The following SHTN1 variants were observed in gnomAD, a reference collection of about 807,000 sequenced individuals.
SHTN1 encodes shootin-1.
A neutral mutation model predicts 83.1 loss-of-function variants in SHTN1; 42 were observed. The observed-to-expected ratio is 0.51, with a 90% CI of 0.39 to 0.65. The LOEUF (loss-of-function observed/expected upper bound fraction) is 0.65, where lower values mean the gene tolerates loss of function less well. Among genes scored for constraint, SHTN1 ranks in the 30% least tolerant of loss-of-function variants. The pLI is 0.00. For missense variants in SHTN1, 622 were observed against 737.8 expected (o/e 0.84, Z 1.82); for synonymous variants, 224 against 247.7 (o/e 0.90, Z 0.90).
At position 116,960,231 on chromosome 10, in the gene SHTN1, C is replaced by G; in HGVS notation, c.173-1G>C. ...ACTTCCTCTATGACCATGTGAGAAACTAGGAATGAGGGGGAAAAAAAATCT... is the reference window on the plus strand; with the variant it reads ...ACTTCCTCTATGACCATGTGAGAAAGTAGGAATGAGGGGGAAAAAAAATCT... On this transcript the variant is annotated splice_acceptor_variant, in intron 3 of 16. Transcript: ENST00000355371. LOFTEE classifies it high-confidence loss of function. 1 of 1,562,144 alleles carries G rather than the reference C, an allele frequency of 6.4e-7. No homozygotes were observed. Among genetic ancestry groups the G allele is most frequent in the Non-Finnish European group, 8.8e-7 (1 of 1,134,378 alleles).
rs1168261828 is a variant in SHTN1 at position 116,954,107 on chromosome 10, G to A, written c.371C>T (p.Ser124Leu). Residue 124 changes from serine (S) to leucine (L), a missense_variant, in exon 5 of 17, where the codon TCG (serine) becomes TTG (leucine). Around this residue, in one of 3 missense-constraint regions of SHTN1, gnomAD observed 383 missense variants for 455.8 expected, o/e 0.84. Coordinates refer to ENST00000355371, the MANE Select transcript of SHTN1 (RefSeq NM_001127211.3). ...TEEINIDDED[S>L]TTDTDGAAET... ...GGCGGCACCGTCTGTGTCTGTAGTCGAATCTTCATCATCAATGTTTATCTC... is the reference window on the plus strand; with the variant it reads ...GGCGGCACCGTCTGTGTCTGTAGTCAAATCTTCATCATCAATGTTTATCTC... 6.2e-6 allele frequency: 10 copies of A among 1,613,718 alleles called. No homozygotes were observed. Among genetic ancestry groups the A allele is most frequent in the Middle Eastern group, 1.6e-4 (1 of 6,084 alleles).
Position 117,057,002 on chromosome 10 carries a change from T to C in SHTN1, c.-188-8492A>G, listed in dbSNP as rs1332373937. ...TCATCACTTCAATTCAGCATAGTACTGGAAGTTCTAGCTACCGCAATGAGG... is the reference window on the plus strand; with the variant it reads ...TCATCACTTCAATTCAGCATAGTACCGGAAGTTCTAGCTACCGCAATGAGG... On this transcript the variant is annotated intron_variant, in intron 1 of 17. Coordinates refer to the SHTN1 transcript ENST00000392901. Among the ~76,000 whole-genome samples the C allele has an allele frequency of 2.6e-5, 4 of 152,130 alleles. No individual in the cohort carries two copies. The East Asian group carries it at 7.7e-4, about 29-fold the overall frequency.
chr10:116,974,660 A>G (rs528235783), intron 2 of SHTN1, among the ~76,000 whole-genome samples: 13 of 152,302 alleles, frequency 8.5e-5, no homozygotes, highest in Admixed American at 6.5e-4. Flanking sequence ...TGCATTTCAA[A>G]ACTTGATCTC....
chr10:117,083,190 T>G (rs1353350852), intron 1 of SHTN1, among the ~76,000 whole-genome samples: 7 of 143,376 alleles, frequency 4.9e-5, no homozygotes, highest in Middle Eastern at 3.6e-3. Flanking sequence ...TTCCTTTCCA[T>G]GTTTAGCGCT....
At chr10:117,008,451 C>T (rs1852053637), upstream of SHTN1, among the ~76,000 whole-genome samples, 1 of 151,964 alleles carries the variant, frequency 6.6e-6, no homozygotes, top group African/African-American at 2.4e-5. Context: ...GGCTTATGTA[C>T]AGAGCTATTT....
At chr10:116,937,799 C>T (rs1294809681) in intron 9 of SHTN1, among the ~76,000 whole-genome samples, 1 of 152,076 alleles carries the variant, frequency 6.6e-6, no homozygotes, top group African/African-American at 2.4e-5. Context: ...TCCAGTACAC[C>T]AATCAAACGT....
intron 16 of SHTN1, among the ~76,000 whole-genome samples, chr10:116,892,518 T>C (rs1199338697): frequency 2.0e-5 from 3 of 152,188 alleles, no homozygotes; most frequent in African/African-American, 7.2e-5. Context: ...AGACATAGTC[T>C]TCCACAAAAT....
At chr10:116,999,422 A>G (rs1432849363) in intron 1 of SHTN1, among the ~76,000 whole-genome samples, 1 of 152,204 alleles carries the variant, frequency 6.6e-6, no homozygotes, top group Non-Finnish European at 1.5e-5. Context: ...CAAGGAGATA[A>G]GAGAAAAGAT....
At chr10:116,906,846 A>G in intron 14 of SHTN1, 99 bp from the exon 15 acceptor site, 2 of 988,140 alleles carry the variant, frequency 2.0e-6, no homozygotes, top group South Asian at 4.5e-5. Context: ...CAGAATTTGA[A>G]TGGAATTATG....
At chr10:117,010,139 G>T (rs528490131), upstream of SHTN1, among the ~76,000 whole-genome samples, 110 of 151,800 alleles carry the variant, frequency 7.2e-4, 2 homozygotes, top group South Asian at 0.022. Context: ...TTAATAAAAA[G>T]CTATTTCTTT....
intron 2 of SHTN1, among the ~76,000 whole-genome samples, chr10:117,031,556 T>C (rs375198978): frequency 6.6e-6 from 1 of 152,128 alleles, no homozygotes; most frequent in African/African-American, 2.4e-5. Flanking sequence ...TTTTAAGACA[T>C]AGTACAATAA....
In SHTN1 at chr10:117,096,946, G is replaced by T. The variant is rs547244245; in HGVS notation, c.-189+29361C>A. Among the ~76,000 whole-genome samples, 5 of 152,142 alleles carry T rather than the reference G, an allele frequency of 3.3e-5. No homozygotes were observed. The South Asian group carries it at 1.0e-3, about 31-fold the overall frequency. On this transcript the variant is annotated intron_variant, in intron 1 of 17. Coordinates refer to the SHTN1 transcript ENST00000392901. The stretch of plus-strand genomic sequence containing the variant: ...GAGGAACATCATCATGGAGATCCTA[G>T]AGAAATCTTACAAAGCTTTAATAAC...
At chr10:116,894,163 C>T (rs1253958839) in intron 16 of SHTN1, among the ~76,000 whole-genome samples, 1 of 152,102 alleles carries the variant, frequency 6.6e-6, no homozygotes, top group Non-Finnish European at 1.5e-5. Flanking sequence ...GTCAACTACC[C>T]TTTGGTTTCA....
At chr10:117,097,724 T>G (rs1177861585) in intron 1 of SHTN1, among the ~76,000 whole-genome samples, 1 of 152,226 alleles carries the variant, frequency 6.6e-6, no homozygotes, top group African/African-American at 2.4e-5. Context: ...TCAAATGTAT[T>G]TGAGAACTCA....
chr10:117,031,611 T>G (rs1165190375), intron 2 of SHTN1, among the ~76,000 whole-genome samples: 5 of 151,876 alleles, frequency 3.3e-5, no homozygotes, highest in Admixed American at 3.3e-4. Context: ...GGGGATAGAG[T>G]CTGTAGTTTC....
At chr10:117,124,393 T>C (rs920278412) in intron 1 of SHTN1, among the ~76,000 whole-genome samples, 3 of 152,254 alleles carry the variant, frequency 2.0e-5, no homozygotes, top group East Asian at 3.9e-4. Context: ...CAGAGTGGTA[T>C]ACCAGTACTC....
chr10:117,112,058 C>G (rs1029140179), intron 1 of SHTN1, among the ~76,000 whole-genome samples: 1 of 152,108 alleles, frequency 6.6e-6, no homozygotes, highest in African/African-American at 2.4e-5. Context: ...CTCTGCCTCC[C>G]GGATTCAAGC....
At chr10:117,104,565 T>C (rs1169180870) in intron 1 of SHTN1, among the ~76,000 whole-genome samples, 1 of 151,992 alleles carries the variant, frequency 6.6e-6, no homozygotes, top group Non-Finnish European at 1.5e-5. Flanking sequence ...GGTCAGGAAA[T>C]CGAGACCATC....
intron 14 of SHTN1, among the ~76,000 whole-genome samples, chr10:116,906,997 C>G (rs1847993882): frequency 6.6e-6 from 1 of 152,158 alleles, no homozygotes; most frequent in African/African-American, 2.4e-5. Context: ...AAGAACACTT[C>G]TGGAAGAGGT....
Sources: gnomAD v4.1 joint callset for allele counts (sites outside exome capture counted in the v4.1 genomes callset) on GRCh38, gnomAD v4.1.1 for gene constraint, gnomAD v4.1.1 regional missense constraint, MANE v1.5 for transcripts, NCBI Gene and HGNC (gene_info 2026-07-23, HGNC 2026-07-21) for gene names.